Variants in FMNL2 observed in about 807,000 individuals in gnomAD.
The protein encoded by FMNL2 is formin like 2.
FMNL2 carries 51 observed loss-of-function variants against 130.2 expected under a neutral mutation model. That is an observed-to-expected ratio of 0.39 (90% confidence interval 0.31 to 0.49). FMNL2 has a LOEUF of 0.49. FMNL2 is among the 20% of genes least tolerant of loss of function. The probability of loss-of-function intolerance (pLI) is 0.85; values close to 1 mark genes in which losing one functional copy is unlikely to be tolerated. For synonymous variants in FMNL2, 465 were observed against 467.1 expected, an observed-to-expected ratio of 1.00 and a Z score of 0.06; for missense variants, 977 against 1,316.2, an observed-to-expected ratio of 0.74 and a Z score of 3.99.
chr2:152,350,575 A>G (rs1198878008), intron 1 of FMNL2, among the ~76,000 whole-genome samples: 2 of 152,158 alleles, frequency 1.3e-5, no homozygotes, highest in African/African-American at 4.8e-5. Context: ...AGTACTTAGA[A>G]TGGCTTTCTT....
At chr2:152,612,858 C>A (rs1034283831) in intron 11 of FMNL2, among the ~76,000 whole-genome samples, 1 of 152,088 alleles carries the variant, frequency 6.6e-6, no homozygotes, top group Admixed American at 6.5e-5. Context: ...TGCACCCAGC[C>A]GGTGACCTGA....
intron 1 of FMNL2, among the ~76,000 whole-genome samples, chr2:152,459,833 T>C (rs1689148219): frequency 6.6e-6 from 1 of 152,108 alleles, no homozygotes; most frequent in African/African-American, 2.4e-5. Context: ...AAAAAATACA[T>C]AAATAGGTAA....
intron 2 of FMNL2, among the ~76,000 whole-genome samples, chr2:152,540,965 G>A (rs1694280572): frequency 6.6e-6 from 1 of 152,126 alleles, no homozygotes; most frequent in South Asian, 2.1e-4. Context: ...TCCCTGTGTT[G>A]GAGAAATACA....
rs80206195 is a variant in FMNL2 at position 152,349,955 on chromosome 2, T to C, written c.117+14235T>C. On this transcript the variant is annotated intron_variant, in intron 1 of 25. Transcript: ENST00000288670. ...CAGTGTTGTAGGCACTGGAGGATGC[T>C]GTACTGAGGTGGGATCGATTGAACG... 9.6e-3 allele frequency among the ~76,000 whole-genome samples: 1,453 copies of C among 152,060 alleles called. 8 individuals are homozygous for C. The highest frequency in any genetic ancestry group is 0.016 in the Non-Finnish European group (1,086 of 67,866).
chr2:152,376,549 A>G (rs1180417272), intron 1 of FMNL2, among the ~76,000 whole-genome samples: 2 of 152,160 alleles, frequency 1.3e-5, no homozygotes, highest in African/African-American at 4.8e-5. Flanking sequence ...ATGTCTCAGG[A>G]ATGTGAGAGT....
intron 1 of FMNL2, among the ~76,000 whole-genome samples, chr2:152,417,366 T>C (rs978398741): frequency 6.6e-6 from 1 of 152,170 alleles, no homozygotes; most frequent in Non-Finnish European, 1.5e-5. Flanking sequence ...ATGACATCGA[T>C]GTGGAGAGAA....
chr2:152,537,587 T>C (rs1225462881), intron 2 of FMNL2, among the ~76,000 whole-genome samples: 7 of 152,224 alleles, frequency 4.6e-5, no homozygotes, highest in Non-Finnish European at 1.0e-4. Flanking sequence ...TATAGTCTCT[T>C]TGTTTACTTT....
intron 1 of FMNL2, among the ~76,000 whole-genome samples, chr2:152,357,749 T>A (rs1361690975): frequency 6.6e-6 from 1 of 152,232 alleles, no homozygotes; most frequent in Non-Finnish European, 1.5e-5. Flanking sequence ...TATGTATTGA[T>A]CAGTTGACAA....
At chr2:152,509,975 C>T (rs1410163414) in intron 1 of FMNL2, among the ~76,000 whole-genome samples, 2 of 151,938 alleles carry the variant, frequency 1.3e-5, no homozygotes, top group Non-Finnish European at 2.9e-5. Flanking sequence ...TCTCCAACTC[C>T]TGGGCCCAAA....
intron 1 of FMNL2, among the ~76,000 whole-genome samples, chr2:152,462,050 C>A (rs1283203605): frequency 6.6e-6 from 1 of 152,096 alleles, no homozygotes; most frequent in Non-Finnish European, 1.5e-5. Flanking sequence ...TGTGTACCAT[C>A]GTGCCCTGCT....
chr2:152,524,557 A>G (rs1693279080), intron 2 of FMNL2, among the ~76,000 whole-genome samples: 1 of 152,188 alleles, frequency 6.6e-6, no homozygotes, highest in African/African-American at 2.4e-5. Context: ...CTCTGTGGGG[A>G]CACAGAGGCA....
At chr2:152,341,907 A>G (rs1681831215) in intron 1 of FMNL2, among the ~76,000 whole-genome samples, 1 of 152,226 alleles carries the variant, frequency 6.6e-6, no homozygotes, top group Admixed American at 6.5e-5. Context: ...TCTGTGTGAC[A>G]AACACTGGTG....
intron 1 of FMNL2, chr2:152,389,873 C>A: frequency 9.8e-7 from 1 of 1,023,652 alleles, no homozygotes; most frequent in Non-Finnish European, 1.5e-6. Flanking sequence ...AATCAGCTGG[C>A]ACAGAAGGCC....
chr2:152,364,924 C>T (rs533150801), intron 1 of FMNL2, among the ~76,000 whole-genome samples: 55 of 152,124 alleles, frequency 3.6e-4, no homozygotes, highest in Non-Finnish European at 7.4e-4. Context: ...GCTGAAGATT[C>T]GGAAAATTGA....
At chr2:152,620,735 C>T (rs751043060) in intron 15 of FMNL2, among the ~76,000 whole-genome samples, 9 of 152,202 alleles carry the variant, frequency 5.9e-5, no homozygotes, top group Non-Finnish European at 1.0e-4. Context: ...TGCAGCTCTG[C>T]CAGCCGGTCA....
At chr2:152,608,223 T>C (rs1580085586) in intron 10 of FMNL2, among the ~76,000 whole-genome samples, 1 of 152,240 alleles carries the variant, frequency 6.6e-6, no homozygotes, top group East Asian at 1.9e-4. Flanking sequence ...AGATCACTTC[T>C]AACCTGAAGC....
chr2:152,605,322 G>A (rs966800123), intron 9 of FMNL2, among the ~76,000 whole-genome samples: 1 of 118,832 alleles, frequency 8.4e-6, no homozygotes, highest in African/African-American at 4.6e-5. Context: ...GTGTGTGCGT[G>A]TGTGTGTGTG....
intron 3 of FMNL2, 79 bp downstream of exon 3, chr2:152,542,898 C>T (rs1694393233): frequency 2.7e-6 from 4 of 1,469,936 alleles, no homozygotes; most frequent in Non-Finnish European, 3.8e-6. Context: ...AAGAGACCTT[C>T]CTTCCTCTGC....
intron 6 of FMNL2, among the ~76,000 whole-genome samples, chr2:152,570,010 C>A (rs1442619566): frequency 6.6e-4 from 96 of 145,858 alleles, no homozygotes; most frequent in Non-Finnish European, 6.6e-4. Flanking sequence ...GACTCTGTCT[C>A]AAAAAAAAAA....
Sources: allele counts gnomAD v4.1 joint callset (sites outside exome capture counted in the v4.1 genomes callset), GRCh38; gene constraint gnomAD v4.1.1; transcripts MANE v1.5; gene names NCBI Gene and HGNC (gene_info 2026-07-23, HGNC 2026-07-21).